The following PRELID2 variants were observed in gnomAD, a reference collection of about 807,000 sequenced individuals.
The protein encoded by PRELID2 is PRELI domain-containing protein 2.
In PRELID2, 25 loss-of-function variants were observed where a neutral mutation model predicts 28.4. The ratio of observed to expected loss-of-function variants is 0.88; its 90% confidence interval spans 0.64 to 1.23. The LOEUF (loss-of-function observed/expected upper bound fraction) is 1.23. PRELID2 is among the 50% of genes most tolerant of loss of function. PRELID2 has a pLI of 0.00. For missense variants in PRELID2, 201 were observed against 214.4 expected (o/e 0.94, Z 0.39); for synonymous variants, 76 against 71.6 (o/e 1.06, Z -0.31).
intron 1 of PRELID2, among the ~76,000 whole-genome samples, chr5:145,537,528 G>A (rs1482355217): frequency 6.6e-6 from 1 of 151,822 alleles, no homozygotes; most frequent in African/African-American, 2.4e-5. Flanking sequence ...CAGGAACTAG[G>A]TAGTATCTTG....
chr5:145,551,649 G>A (rs1248008269), intron 1 of PRELID2, among the ~76,000 whole-genome samples: 1 of 152,118 alleles, frequency 6.6e-6, no homozygotes, highest in Non-Finnish European at 1.5e-5. Context: ...AACATGTTAC[G>A]AGAGAAATGA....
the PRELID2 span, among the ~76,000 whole-genome samples, chr5:145,267,755 C>T: frequency 1.1e-4 from 16 of 152,152 alleles, no homozygotes; most frequent in Non-Finnish European, 2.4e-4. Context: ...AGTGGTCGTG[C>T]TAATGTACAT....
the PRELID2 span, among the ~76,000 whole-genome samples, chr5:145,327,944 C>G: frequency 6.6e-6 from 1 of 151,896 alleles, no homozygotes; most frequent in Non-Finnish European, 1.5e-5. Context: ...CTCCCCCCAT[C>G]CCCCAACAGG....
chr5:145,478,422 C>T (rs1752126995), intron 1 of PRELID2, among the ~76,000 whole-genome samples: 1 of 151,974 alleles, frequency 6.6e-6, no homozygotes, highest in South Asian at 2.1e-4. Flanking sequence ...TGGTGCGCAC[C>T]TGTAATCCCA....
chr5:145,687,966 T>C (rs1755068241), intron 1 of PRELID2, among the ~76,000 whole-genome samples: 1 of 152,246 alleles, frequency 6.6e-6, no homozygotes. Context: ...CCCAAGTCTT[T>C]GTTTCTTCAT....
chr5:145,540,399 T>G (rs917429940), intron 1 of PRELID2, among the ~76,000 whole-genome samples: 3 of 151,942 alleles, frequency 2.0e-5, no homozygotes, highest in African/African-American at 7.2e-5. Context: ...TACAAAGATA[T>G]CTGCTCACAG....
chr5:145,605,139 G>C (rs954197251), intron 1 of PRELID2, among the ~76,000 whole-genome samples: 2 of 151,646 alleles, frequency 1.3e-5, no homozygotes, highest in African/African-American at 2.4e-5. Flanking sequence ...TTACTCTGTT[G>C]AGAGTTTCTT....
At chr5:145,513,562 T>G (rs1222384024) in intron 1 of PRELID2, among the ~76,000 whole-genome samples, 1 of 152,112 alleles carries the variant, frequency 6.6e-6, no homozygotes, top group East Asian at 1.9e-4. Context: ...GAAAACACTC[T>G]TCAGGATAAC....
chr5:145,819,321 G>A, intron 3 of PRELID2: 1 of 1,099,696 alleles, frequency 9.1e-7, no homozygotes, highest in Non-Finnish European at 1.4e-6. Context: ...GCTCTAAAAG[G>A]ACTCCCACTG....
intron 1 of PRELID2, among the ~76,000 whole-genome samples, chr5:145,647,985 C>T (rs1005656717): frequency 6.6e-6 from 1 of 152,168 alleles, no homozygotes; most frequent in East Asian, 1.9e-4. Flanking sequence ...TCCTATTTGG[C>T]CATCTTGCCA....
chr5:145,772,160 T>C (rs763541133), intron 5 of PRELID2, among the ~76,000 whole-genome samples: 7 of 152,096 alleles, frequency 4.6e-5, no homozygotes, highest in Non-Finnish European at 7.4e-5. Context: ...CCAAGCACTT[T>C]GCCTGCAATC....
chr5:145,695,849 C>T (rs1452456278), intron 1 of PRELID2, among the ~76,000 whole-genome samples: 1 of 152,072 alleles, frequency 6.6e-6, no homozygotes, highest in Non-Finnish European at 1.5e-5. Context: ...ACCACTTCTA[C>T]CATAGTCAAC....
At chr5:145,475,780 TAATA>T (rs1269163770) in intron 1 of PRELID2, among the ~76,000 whole-genome samples, 4 of 152,224 alleles carry the variant, frequency 2.6e-5, no homozygotes, top group Admixed American at 2.0e-4. Context: ...TAATTAAATT[TAATA>T]AATAGTCTCT....
chr5:145,401,708 C>T, the PRELID2 span, among the ~76,000 whole-genome samples: 1 of 152,142 alleles, frequency 6.6e-6, no homozygotes, highest in Non-Finnish European at 1.5e-5. Context: ...AGACTATGGA[C>T]TTGATGTGCA....
chr5:145,253,961 G>C, the PRELID2 span, among the ~76,000 whole-genome samples: 19 of 151,984 alleles, frequency 1.3e-4, 1 homozygote, highest in African/African-American at 4.6e-4. Context: ...AAGACAAAAA[G>C]ATAATAATAG....
intron 1 of PRELID2, among the ~76,000 whole-genome samples, chr5:145,558,194 GT>G (rs1387009435): frequency 6.6e-6 from 1 of 152,104 alleles, no homozygotes; most frequent in Non-Finnish European, 1.5e-5. Context: ...TCATAAAGTT[GT>G]TTAAAAGAAA....
At chr5:145,249,701 A>G in the PRELID2 span, among the ~76,000 whole-genome samples, 1 of 152,278 alleles carries the variant, frequency 6.6e-6, no homozygotes, top group Middle Eastern at 3.4e-3. Flanking sequence ...CAGCCAGCAG[A>G]GAAGACAGGT....
At chr5:145,519,895 C>T (rs1750100774) in intron 1 of PRELID2, among the ~76,000 whole-genome samples, 1 of 152,202 alleles carries the variant, frequency 6.6e-6, no homozygotes, top group South Asian at 2.1e-4. Flanking sequence ...TGAAACATCT[C>T]AAATGGTATT....
At chr5:145,393,357 G>A in the PRELID2 span, among the ~76,000 whole-genome samples, 1,102 of 152,184 alleles carry the variant, frequency 7.2e-3, 16 homozygotes, top group African/African-American at 0.025. Context: ...GAAGCACCTC[G>A]GTGTGGGAAC....
Sources: gnomAD v4.1 joint callset for allele counts (sites outside exome capture counted in the v4.1 genomes callset) on GRCh38, gnomAD v4.1.1 for gene constraint, MANE v1.5 for transcripts, NCBI Gene and HGNC (gene_info 2026-07-23, HGNC 2026-07-21) for gene names.